RTKN: variants seen among roughly 807,000 people sequenced by gnomAD.
RTKN encodes the protein rhotekin.
Under a neutral mutation model 63.5 loss-of-function variants are expected in RTKN, and 49 were observed. That is an observed-to-expected ratio of 0.77 (90% confidence interval 0.61 to 0.98). The LOEUF (loss-of-function observed/expected upper bound fraction) is 0.98. Ranked by LOEUF, RTKN falls within the 50% of genes least tolerant of loss-of-function variation. The pLI, the probability that RTKN is intolerant of heterozygous loss-of-function variation, is 0.00. For missense variants in RTKN, 685 were observed against 740.8 expected (o/e 0.92, Z 0.87); for synonymous variants, 295 against 290.4 (o/e 1.02, Z -0.16).
intron 2 of RTKN, 71 bp downstream of exon 2, chr2:74,432,396 C>T (rs554626098): frequency 2.3e-5 from 32 of 1,404,132 alleles, no homozygotes; most frequent in African/African-American, 2.8e-5. Context: ...ATGCCACACA[C>T]GCACATGCTG....
chr2:74,431,493 G>T (rs994012231), intron 2 of RTKN, among the ~76,000 whole-genome samples: 4 of 152,204 alleles, frequency 2.6e-5, no homozygotes, highest in African/African-American at 9.7e-5. Context: ...GGCACTAATG[G>T]CAATGTGTTT....
In RTKN at chr2:74,436,608, G is replaced by A. The variant is rs1014247875; in HGVS notation, c.112-3942C>T. ...AAGGTGACCCCTTGCCTGAGAGTATGGAGGGCGAATAGTGTATAAATTGGG... is the reference window on the plus strand; with the variant it reads ...AAGGTGACCCCTTGCCTGAGAGTATAGAGGGCGAATAGTGTATAAATTGGG... On this transcript the variant is annotated intron_variant, in intron 1 of 11. Coordinates refer to ENST00000272430, the MANE Select transcript of RTKN (RefSeq NM_001015055.2). The surrounding 1 kb of genome is among the most constrained non-coding windows in gnomAD (Gnocchi z 4.3). 3.3e-5 allele frequency among the ~76,000 whole-genome samples: 5 copies of A among 152,176 alleles called. No individual in the cohort carries two copies. The highest frequency in any genetic ancestry group is 1.2e-4 in the African/African-American group (5 of 41,436).
chr2:74,437,868 G>A (rs544830936), intron 1 of RTKN, among the ~76,000 whole-genome samples: 3 of 152,226 alleles, frequency 2.0e-5, no homozygotes, highest in East Asian at 3.9e-4. Flanking sequence ...TTAGATAAAC[G>A]TGCTCCCTCC....
In RTKN at chr2:74,426,320, G is replaced by A. The variant is rs769887723; in HGVS notation, c.1615C>T (p.Pro539Ser). Reference protein sequence around the residue: ...SPRARSVAPLPPQRSPRTRGL... With the variant: ...SPRARSVAPLSPQRSPRTRGL... Reference sequence around the variant, plus strand: ...CTGGTCCGTGGGGATCGCTGAGGTGGGAGGGGGGCAACCGAGCGAGCCCTA... The same window carrying A: ...CTGGTCCGTGGGGATCGCTGAGGTGAGAGGGGGGCAACCGAGCGAGCCCTA... The change falls in exon 12 of 12, where the codon CCA becomes TCA. Residue 539 changes from proline (P) to serine (S), a missense_variant. Pro to Ser is a moderately conservative substitution (Grantham distance 74). Coordinates refer to ENST00000272430, the MANE Select transcript of RTKN (RefSeq NM_001015055.2). 3 of 1,613,916 alleles carry A rather than the reference G, an allele frequency of 1.9e-6. No homozygotes were observed. Among genetic ancestry groups the A allele is most frequent in the Non-Finnish European group, 2.5e-6 (3 of 1,179,898 alleles).
chr2:74,426,233 C>T lies in RTKN; in HGVS notation c.*10G>A, dbSNP rs1278284030. 2 of 1,612,130 alleles carry T rather than the reference C, an allele frequency of 1.2e-6. No homozygotes were observed. Among genetic ancestry groups the T allele is most frequent in the Admixed American group, 1.7e-5 (1 of 59,996 alleles). ...CTTCTGGGCAGATCCTATGCCAGCA[C>T]CTTTCTCTCTCACACTGGTGACTGG... On this transcript the variant is annotated 3_prime_UTR_variant, in exon 12 of 12. Coordinates refer to ENST00000272430, the MANE Select transcript of RTKN (RefSeq NM_001015055.2).
In RTKN at chr2:74,427,612, T is replaced by A; in HGVS notation, c.1087-20A>T. The A allele has an allele frequency of 6.2e-7, 1 of 1,602,232 alleles. No individual in the cohort carries two copies. Among genetic ancestry groups the A allele is most frequent in the Non-Finnish European group, 8.5e-7 (1 of 1,175,696 alleles). ...AGTCTCCTGCAGGAGAAAGAAGAGG[T>A]CTACCTTGGTCACAGAAGTTGGCAG... is the stretch of plus-strand genomic sequence containing the variant. On this transcript the variant is annotated intron_variant, in intron 9 of 11. Transcript: ENST00000272430.
At chr2:74,428,161 G>A (rs566809905) in intron 9 of RTKN, 107 bp downstream of exon 9, 1 of 1,457,452 alleles carries the variant, frequency 6.9e-7, no homozygotes, top group Non-Finnish European at 9.5e-7. Context: ...TCAGGAGCAG[G>A]AGGCCTGCTT....
chr2:74,427,578 C>T lies in RTKN; in HGVS notation c.1101G>A (p.Arg367=). 1.2e-6 allele frequency: 2 copies of T among 1,612,534 alleles called. No homozygotes were observed. The highest frequency in any genetic ancestry group is 1.7e-6 in the Non-Finnish European group (2 of 1,179,828). ...CTAGAGCCTGGTCCAGCTCCCCTGCCCGGACTCGAGTCTCCTGCAGGAGAA... is the reference window on the plus strand; with the variant it reads ...CTAGAGCCTGGTCCAGCTCCCCTGCTCGGACTCGAGTCTCCTGCAGGAGAA... The part of the protein sequence containing the change: ...TIAVNKETRV[R]AGELDQALGR... Residue 367 remains arginine (R), a synonymous_variant, in exon 10 of 12, where the codon CGG becomes CGA. Transcript: ENST00000272430.
Position 74,426,190 on chromosome 2 carries a change from G to T in RTKN, c.*53C>A. On this transcript the variant is annotated 3_prime_UTR_variant, in exon 12 of 12. Coordinates refer to ENST00000272430, the MANE Select transcript of RTKN (RefSeq NM_001015055.2). ...ACAGCGCCGTATCCAGAGCCCAACTGCGCATGGGTCATTTTCTCTTCTGGG... is the reference window on the plus strand; with the variant it reads ...ACAGCGCCGTATCCAGAGCCCAACTTCGCATGGGTCATTTTCTCTTCTGGG... 6.6e-7 allele frequency: 1 copy of T among 1,521,654 alleles called. No homozygotes were observed. The highest frequency in any genetic ancestry group is 9.1e-7 in the Non-Finnish European group (1 of 1,102,772). 94.3% of individuals were successfully genotyped at this position (1,521,654 alleles called of 1,614,324 possible).
rs781511390 is a variant in RTKN at position 74,428,400 on chromosome 2, C to T, written c.958-4G>A. On this transcript the variant is annotated splice_polypyrimidine_tract_variant and splice_region_variant and intron_variant, in intron 8 of 11. Transcript: ENST00000272430. ...AGTTCTGCATCTCCCCAGCTTGCTG[C>T]ACAAATGACTCAACATTTTCTGGGG... 1.2e-6 allele frequency: 2 copies of T among 1,614,168 alleles called. No individual in the cohort carries two copies. Among genetic ancestry groups the T allele is most frequent in the South Asian group, 2.2e-5 (2 of 91,082 alleles).
chr2:74,428,425 G>T lies in RTKN; in HGVS notation c.958-29C>A, dbSNP rs1670538405. 1.9e-6 allele frequency: 3 copies of T among 1,614,046 alleles called. No individual in the cohort carries two copies. The South Asian group carries it at 3.3e-5, about 18-fold the overall frequency. ...CACAAATGACTCAACATTTTCTGGGGAAGTCACGGCCCCCAGTATCCCTCT... is the reference window on the plus strand; with the variant it reads ...CACAAATGACTCAACATTTTCTGGGTAAGTCACGGCCCCCAGTATCCCTCT... On this transcript the variant is annotated intron_variant, in intron 8 of 11. Coordinates refer to ENST00000272430, the MANE Select transcript of RTKN (RefSeq NM_001015055.2).
At position 74,441,703 on chromosome 2, in the gene RTKN, C is replaced by A; in HGVS notation, c.111+3G>T. The stretch of plus-strand genomic sequence containing the variant: ...GGGGAAGGCAGGGACGCGAGTCTCT[C>A]ACCTCGGGCAGGTCGCTGAAGAGGC... On this transcript the variant is annotated splice_donor_region_variant and intron_variant, in intron 1 of 11. Transcript: ENST00000272430. 1 of 1,606,140 alleles carries A rather than the reference C, an allele frequency of 6.2e-7. No individual in the cohort carries two copies. The highest frequency in any genetic ancestry group is 1.1e-5 in the South Asian group (1 of 89,654).
intron 1 of RTKN, among the ~76,000 whole-genome samples, chr2:74,438,206 A>G (rs1412891026): frequency 6.6e-6 from 1 of 152,094 alleles, no homozygotes; most frequent in African/African-American, 2.4e-5. Context: ...CTCCGTAAAC[A>G]GCCACACCAC....
rs1304639538 is a variant in RTKN, at chr2:74,436,045, G to T, written c.112-3379C>A. On this transcript the variant is annotated intron_variant, in intron 1 of 11. Transcript: ENST00000272430. The surrounding 1 kb of genome is among the most constrained non-coding windows in gnomAD (Gnocchi z 4.3). ...CCAGTCTAGTTTTGTCTGCACCAGG[G>T]TTCTGCGCTGCCCGACAACCCCCAC... 6.6e-6 allele frequency among the ~76,000 whole-genome samples: 1 copy of T among 152,024 alleles called. No homozygotes were observed. The highest frequency in any genetic ancestry group is 2.4e-5 in the African/African-American group (1 of 41,282).
chr2:74,434,082 G>A (rs1373706392), intron 1 of RTKN, among the ~76,000 whole-genome samples: 1 of 151,846 alleles, frequency 6.6e-6, no homozygotes, highest in Non-Finnish European at 1.5e-5. Context: ...AGGCCTGGGA[G>A]CCAGGGATGG....
At chr2:74,439,624 T>G in intron 1 of RTKN, 1 of 1,614,018 alleles carries the variant, frequency 6.2e-7, no homozygotes. Flanking sequence ...GTCCTGCATC[T>G]CTGTGCCCCC....
At chr2:74,432,309 A>G (rs1177418924) in intron 2 of RTKN, 158 bp downstream of exon 2, 1 of 783,902 alleles carries the variant, frequency 1.3e-6, no homozygotes, top group Non-Finnish European at 2.2e-6. Flanking sequence ...GGCAACACAC[A>G]GTGGTGGTAA....
chr2:74,435,735 G>A (rs2103912563), intron 1 of RTKN, among the ~76,000 whole-genome samples: 1 of 152,300 alleles, frequency 6.6e-6, no homozygotes, highest in South Asian at 2.1e-4. Flanking sequence ...CTCCAAACCT[G>A]TCTTTTTCCT....
chr2:74,427,708 C>T, intron 9 of RTKN, 116 bp from the exon 10 acceptor site: 1 of 1,120,524 alleles, frequency 8.9e-7, no homozygotes, highest in Non-Finnish European at 1.3e-6. Context: ...TGAGCCCTCT[C>T]ATTTGCCTCC....
Sources: gnomAD v4.1 joint callset for allele counts (sites outside exome capture counted in the v4.1 genomes callset) on GRCh38, gnomAD v4.1.1 for gene constraint, Gnocchi (gnomAD v3.1) non-coding constraint, MANE v1.5 for transcripts, NCBI Gene and HGNC (gene_info 2026-07-23, HGNC 2026-07-21) for gene names.